Variants in RCAN3 observed in about 807,000 individuals in gnomAD.
RCAN3 encodes the protein calcipressin-3.
Under a neutral mutation model 21.9 loss-of-function variants are expected in RCAN3, and 19 were observed. The ratio of observed to expected loss-of-function variants is 0.87; its 90% CI spans 0.61 to 1.27. RCAN3 has a LOEUF of 1.27. Ranked by LOEUF, RCAN3 falls within the 50% of genes most tolerant of loss-of-function variation. RCAN3 has a pLI of 0.00. For synonymous variants in RCAN3, 114 were observed against 112.3 expected, an observed-to-expected ratio of 1.01 and a Z score of -0.09; for missense variants, 240 against 300.1, an observed-to-expected ratio of 0.80 and a Z score of 1.48.
chr1:24,524,224 A>G (rs1006926601), intron 2 of RCAN3, among the ~76,000 whole-genome samples: 5 of 152,190 alleles, frequency 3.3e-5, no homozygotes, highest in Non-Finnish European at 5.9e-5. Context: ...AGAAAAAAAG[A>G]TAAAAAATAA....
Position 24,525,576 on chromosome 1 carries a change from C to T in RCAN3, c.196-5642C>T, listed in dbSNP as rs116497591. On this transcript the variant is annotated intron_variant, in intron 2 of 4. Coordinates refer to ENST00000374395, the MANE Select transcript of RCAN3 (RefSeq NM_013441.4). This position sits in a 1 kb window ranked among gnomAD's most constrained non-coding sequence, Gnocchi z 4.1. Reference sequence around the variant, plus strand: ...CATTATCTTTTCTCAAATAAATATGCGGCCATCACCCAACAGGATGATGTT... The same window carrying T: ...CATTATCTTTTCTCAAATAAATATGTGGCCATCACCCAACAGGATGATGTT... Among the ~76,000 whole-genome samples the T allele has an allele frequency of 2.4e-3, 369 of 152,184 alleles. 2 individuals carry two copies. The highest frequency in any genetic ancestry group is 8.3e-3 in the African/African-American group (344 of 41,484).
intron 3 of RCAN3, 97 bp downstream of exon 3, chr1:24,531,488 T>TGTGTA: frequency 1.2e-6 from 1 of 811,918 alleles, no homozygotes; most frequent in East Asian, 3.0e-5. Flanking sequence ...ATAGCAGAGG[T>TGTGTA]GTGTAGAGTG....
At chr1:24,529,278 C>G (rs1649542584) in intron 2 of RCAN3, among the ~76,000 whole-genome samples, 1 of 151,396 alleles carries the variant, frequency 6.6e-6, no homozygotes, top group Admixed American at 6.6e-5. Flanking sequence ...TGTGGCCAGG[C>G]ATGGTGGCTC....
intron 2 of RCAN3, among the ~76,000 whole-genome samples, chr1:24,522,245 T>G (rs929578575): frequency 6.6e-6 from 1 of 152,186 alleles, no homozygotes; most frequent in Non-Finnish European, 1.5e-5. Flanking sequence ...ACTTTAACCC[T>G]CTTTTCACCT....
intron 4 of RCAN3, among the ~76,000 whole-genome samples, chr1:24,534,874 T>A (rs762933208): frequency 6.6e-6 from 1 of 152,176 alleles, no homozygotes; most frequent in Non-Finnish European, 1.5e-5. Context: ...GCATTTTAAC[T>A]CCCAAGACTT....
At chr1:24,524,640 G>T (rs977206839) in intron 2 of RCAN3, among the ~76,000 whole-genome samples, 11 of 152,110 alleles carry the variant, frequency 7.2e-5, no homozygotes, top group Non-Finnish European at 1.5e-4. Context: ...CCTTGCCTTT[G>T]ATATTAGTGG....
At chr1:24,531,818 G>A (rs892721360) in intron 3 of RCAN3, among the ~76,000 whole-genome samples, 5 of 152,134 alleles carry the variant, frequency 3.3e-5, no homozygotes, top group African/African-American at 9.7e-5. Context: ...GGGAGGTCAC[G>A]GAACTGTACA....
At chr1:24,510,557 A>T (rs1286911395) in intron 1 of RCAN3, among the ~76,000 whole-genome samples, 1 of 152,186 alleles carries the variant, frequency 6.6e-6, no homozygotes, top group Non-Finnish European at 1.5e-5. Flanking sequence ...CTCATCCTTC[A>T]TAGAAGTGAA....
Position 24,539,545 on chromosome 1 carries a change from G to A in RCAN3, c.*4268G>A, listed in dbSNP as rs982938907. On this transcript the variant is annotated 3_prime_UTR_variant, in exon 5 of 5. Coordinates refer to ENST00000374395, the MANE Select transcript of RCAN3 (RefSeq NM_013441.4). ...AGCAGAATGAGATCTAATATGTTGTGGAAATAAAAGAGTTTGCAGTGGAAT... is the reference window on the plus strand; with the variant it reads ...AGCAGAATGAGATCTAATATGTTGTAGAAATAAAAGAGTTTGCAGTGGAAT... 1.3e-5 allele frequency: 2 copies of A among 152,104 alleles called. No homozygotes were observed. Among genetic ancestry groups the A allele is most frequent in the Non-Finnish European group, 2.9e-5 (2 of 68,034 alleles). 9.4% of individuals were successfully genotyped at this position (152,104 alleles called of 1,614,324 possible).
chr1:24,505,217 TTTTTTCTC>T (rs1164433346), intron 1 of RCAN3, among the ~76,000 whole-genome samples: 15 of 124,116 alleles, frequency 1.2e-4, no homozygotes, highest in East Asian at 2.8e-4. Context: ...CTTTGTTTTT[TTTTTTCTC>T]TTTTTTCTTT....
At chr1:24,527,239 T>A (rs1029177935) in intron 2 of RCAN3, among the ~76,000 whole-genome samples, 15 of 152,156 alleles carry the variant, frequency 9.9e-5, no homozygotes, top group African/African-American at 3.6e-4. Context: ...GGTCTCGAAG[T>A]TGATCCGCCT....
At chr1:24,526,647 T>C (rs928601845) in intron 2 of RCAN3, among the ~76,000 whole-genome samples, 1 of 152,200 alleles carries the variant, frequency 6.6e-6, no homozygotes, top group Non-Finnish European at 1.5e-5. Context: ...AAGGAAAATG[T>C]TTAATGTACA....
rs773814023 is a variant in RCAN3, at chr1:24,535,322, C to T, written c.*45C>T. The stretch of plus-strand genomic sequence containing the variant: ...AGGCGGCTGCCCTGGTGGGCTCTGG[C>T]CATGGCGCTCTGTGCCTGCGGCCGA... On this transcript the variant is annotated 3_prime_UTR_variant, in exon 5 of 5. Coordinates refer to ENST00000374395, the MANE Select transcript of RCAN3 (RefSeq NM_013441.4). The T allele has an allele frequency of 4.0e-6, 6 of 1,493,192 alleles. No homozygotes were observed. The South Asian group carries it at 7.3e-5, about 18-fold the overall frequency. The allele number at this position is 1,493,192 out of a possible 1,614,324, so 92.5% of individuals were successfully genotyped here.
intron 2 of RCAN3, among the ~76,000 whole-genome samples, chr1:24,518,298 CTA>C (rs1248071055): frequency 6.6e-6 from 1 of 152,088 alleles, no homozygotes; most frequent in African/African-American, 2.4e-5. Flanking sequence ...AATCTTTGCT[CTA>C]GATCATTAGA....
chr1:24,535,338 C>G lies in RCAN3; in HGVS notation c.*61C>G. 6.8e-7 allele frequency: 1 copy of G among 1,481,388 alleles called. No individual in the cohort carries two copies. The highest frequency in any genetic ancestry group is 8.9e-7 in the Non-Finnish European group (1 of 1,121,066). 91.8% of individuals were successfully genotyped at this position (1,481,388 alleles called of 1,614,324 possible). On this transcript the variant is annotated 3_prime_UTR_variant, in exon 5 of 5. Transcript: ENST00000374395. Reference sequence around the variant, plus strand: ...GGGCTCTGGCCATGGCGCTCTGTGCCTGCGGCCGATGCGTTGCTGCGAACA... The same window carrying G: ...GGGCTCTGGCCATGGCGCTCTGTGCGTGCGGCCGATGCGTTGCTGCGAACA...
At chr1:24,523,410 G>A (rs59291981) in intron 2 of RCAN3, among the ~76,000 whole-genome samples, 16,048 of 151,898 alleles carry the variant, frequency 0.11, 1,098 homozygotes, top group Non-Finnish European at 0.15. Context: ...CTGTTAGAAC[G>A]AATAAGTGAG....
In RCAN3 at chr1:24,536,796, T is replaced by C. The variant is rs1363011455; in HGVS notation, c.*1519T>C. ...AAAATTTATTTCTGAGCACTTAAAC[T>C]GTGTTGCATACCCCTAATTTTTTTT... On this transcript the variant is annotated 3_prime_UTR_variant, in exon 5 of 5. Transcript: ENST00000374395. 6.6e-6 allele frequency: 1 copy of C among 151,284 alleles called. No individual in the cohort carries two copies. The highest frequency in any genetic ancestry group is 2.1e-4 in the South Asian group (1 of 4,822). 9.4% of individuals were successfully genotyped at this position (151,284 alleles called of 1,614,324 possible).
intron 1 of RCAN3, among the ~76,000 whole-genome samples, chr1:24,503,653 G>A (rs143867443): frequency 2.0e-5 from 3 of 152,374 alleles, no homozygotes; most frequent in Non-Finnish European, 4.4e-5. Context: ...GGGCAGGAGT[G>A]ATCTGTTCCA....
intron 4 of RCAN3, among the ~76,000 whole-genome samples, chr1:24,533,956 A>T (rs1317667802): frequency 6.6e-6 from 1 of 152,244 alleles, no homozygotes; most frequent in East Asian, 1.9e-4. Context: ...GTATCAGACA[A>T]ACAACAACTA....
Sources: gnomAD v4.1 joint callset for allele counts (sites outside exome capture counted in the v4.1 genomes callset) on GRCh38, gnomAD v4.1.1 for gene constraint, Gnocchi (gnomAD v3.1) non-coding constraint, MANE v1.5 for transcripts, NCBI Gene and HGNC (gene_info 2026-07-23, HGNC 2026-07-21) for gene names.